Variants in DACH2 observed in about 807,000 individuals in gnomAD.
DACH2 encodes the protein dachshund family transcription factor 2.
A neutral mutation model predicts 35.8 loss-of-function variants in DACH2; 17 were observed. That is an observed-to-expected ratio of 0.48 (90% CI 0.33 to 0.71). The LOEUF (loss-of-function observed/expected upper bound fraction) is 0.71, where lower values mean the gene tolerates loss of function less well. Among genes scored for constraint, DACH2 ranks in the 30% least tolerant of loss-of-function variants. The pLI, the probability that DACH2 is intolerant of heterozygous loss-of-function variation, is 0.02. For missense variants in DACH2, 469 were observed against 472.7 expected (o/e 0.99, Z 0.07); for synonymous variants, 195 against 177.3 (o/e 1.10, Z -0.79).
chrX:86,200,505 G>C (rs942715824), intron 1 of DACH2, among the ~76,000 whole-genome samples: 2 of 109,901 alleles, frequency 1.8e-5, no homozygotes, highest in Non-Finnish European at 1.9e-5. Flanking sequence ...TACAGAATGG[G>C]AGAAAATTTT....
intron 4 of DACH2, among the ~76,000 whole-genome samples, chrX:86,663,315 A>G (rs1293763185): frequency 8.9e-6 from 1 of 112,057 alleles, no homozygotes; most frequent in Non-Finnish European, 1.9e-5. Flanking sequence ...GTAACATAAG[A>G]CACTTTCTCA....
At chrX:86,477,028 A>T (rs2037853558) in intron 2 of DACH2, among the ~76,000 whole-genome samples, 1 of 110,210 alleles carries the variant, frequency 9.1e-6, no homozygotes, top group Non-Finnish European at 1.9e-5. Flanking sequence ...TAGTATTTGA[A>T]TTTTTTGAAT....
chrX:86,778,182 A>G (rs2042054812), intron 7 of DACH2, among the ~76,000 whole-genome samples: 1 of 111,328 alleles, frequency 9.0e-6, no homozygotes, highest in Non-Finnish European at 1.9e-5. Context: ...ATCATATGGT[A>G]GTTTTATTTT....
At chrX:86,778,259 G>T (rs1265337806) in intron 7 of DACH2, among the ~76,000 whole-genome samples, 3 of 111,349 alleles carry the variant, frequency 2.7e-5, no homozygotes, top group Non-Finnish European at 3.8e-5. Flanking sequence ...CCCATCAACA[G>T]AGTATTAGAG....
At chrX:86,667,355 AAG>A (rs1491501697) in intron 4 of DACH2, among the ~76,000 whole-genome samples, 8 of 81,250 alleles carry the variant, frequency 9.8e-5, no homozygotes, top group South Asian at 7.5e-4. Flanking sequence ...GGAAGGAAGG[AAG>A]AGGAAGGGAA....
intron 2 of DACH2, among the ~76,000 whole-genome samples, chrX:86,390,839 C>G (rs1483151051): frequency 1.8e-5 from 2 of 110,490 alleles, no homozygotes; most frequent in Non-Finnish European, 3.8e-5. Context: ...ATCTGCCCAC[C>G]TCGGCTTCCC....
chrX:86,400,563 G>A (rs1037140963), intron 2 of DACH2, among the ~76,000 whole-genome samples: 1 of 111,560 alleles, frequency 9.0e-6, no homozygotes, highest in Non-Finnish European at 1.9e-5. Context: ...TTTTGGTGTG[G>A]ATGTCCTTTC....
chrX:86,338,847 GA>G (rs2035365053), intron 1 of DACH2, among the ~76,000 whole-genome samples: 2 of 111,222 alleles, frequency 1.8e-5, no homozygotes, highest in Admixed American at 1.9e-4. Context: ...GAAAAGAGAA[GA>G]ATCAAATAGA....
chrX:86,672,640 A>G (rs2040777786), intron 4 of DACH2, among the ~76,000 whole-genome samples: 1 of 112,274 alleles, frequency 8.9e-6, no homozygotes, highest in South Asian at 3.7e-4. Context: ...GCAGAGGGCA[A>G]GAGTTGAGGC....
At chrX:86,405,932 G>A (rs765537986) in intron 2 of DACH2, among the ~76,000 whole-genome samples, 47 of 111,248 alleles carry the variant, frequency 4.2e-4, no homozygotes, top group Admixed American at 2.1e-3. Context: ...GGAGAAGTGA[G>A]GAGCAATGGG....
chrX:86,148,521 G>A lies in DACH2; in HGVS notation c.-100G>A. 1.0e-6 allele frequency: 1 copy of A among 968,329 alleles called. No homozygotes were observed. The highest frequency in any genetic ancestry group is 1.4e-6 in the Non-Finnish European group (1 of 723,659). 79.8% of individuals were successfully genotyped at this position (968,329 alleles called of 1,213,427 possible). On this transcript the variant is annotated 5_prime_UTR_variant, in exon 1 of 12. Transcript: ENST00000373125. Reference sequence around the variant, plus strand: ...AACAGTTCGGAGCCAGCGAGAGCGCGCCAGAGAGAGCGAGAGTGAGGGAGT... The same window carrying A: ...AACAGTTCGGAGCCAGCGAGAGCGCACCAGAGAGAGCGAGAGTGAGGGAGT...
At chrX:86,502,335 T>G (rs1183292856) in intron 2 of DACH2, among the ~76,000 whole-genome samples, 2 of 111,469 alleles carry the variant, frequency 1.8e-5, no homozygotes, top group Admixed American at 9.6e-5. Context: ...AGGGTGAAGG[T>G]TATCACAACT....
chrX:86,465,559 A>T (rs745796129), intron 2 of DACH2, among the ~76,000 whole-genome samples: 1 of 111,974 alleles, frequency 8.9e-6, no homozygotes, highest in Admixed American at 9.5e-5. Flanking sequence ...TGGAATATCA[A>T]GTTGATGACT....
intron 1 of DACH2, among the ~76,000 whole-genome samples, chrX:86,311,768 C>A (rs897938127): frequency 4.5e-5 from 5 of 111,370 alleles, no homozygotes; most frequent in African/African-American, 1.6e-4. Flanking sequence ...GCTCTTCCTA[C>A]CTTTAAGTTA....
chrX:86,416,828 G>A (rs915221951), intron 2 of DACH2, among the ~76,000 whole-genome samples: 1 of 110,456 alleles, frequency 9.1e-6, no homozygotes, highest in South Asian at 3.9e-4. Flanking sequence ...GCCTGGTGTG[G>A]TGGCTCACGT....
chrX:86,774,386 G>C (rs775222522), intron 7 of DACH2, among the ~76,000 whole-genome samples: 19 of 111,556 alleles, frequency 1.7e-4, no homozygotes, highest in African/African-American at 6.2e-4. Flanking sequence ...GTTTGTTCTG[G>C]TCATTAAGAT....
chrX:86,396,368 G>T (rs868711951), intron 2 of DACH2, among the ~76,000 whole-genome samples: 2 of 94,238 alleles, frequency 2.1e-5, no homozygotes. Flanking sequence ...AGTTTCTTTT[G>T]CTGTGCAGAA....
chrX:86,364,323 A>T lies in DACH2; in HGVS notation c.489-12501A>T, dbSNP rs72633143. On this transcript the variant is annotated intron_variant, in intron 1 of 11. Transcript: ENST00000373125. ...GATTTTTAAGGGAAGGCATTCACAG[A>T]TACAAAGACATTCTTCAAAATGTGA... 3.5e-4 allele frequency among the ~76,000 whole-genome samples: 38 copies of T among 109,177 alleles called. No individual in the cohort carries two copies. In the East Asian group the frequency reaches 0.011, roughly 30 times the overall value. The allele number at this position is 109,177 out of a possible 115,157, so 94.8% of individuals were successfully genotyped here.
intron 2 of DACH2, among the ~76,000 whole-genome samples, chrX:86,384,836 A>T (rs2036099250): frequency 1.8e-5 from 2 of 111,765 alleles, no homozygotes; most frequent in Admixed American, 9.5e-5. Flanking sequence ...AGTGTTCCAG[A>T]TGTTTTTAAA....
Sources: gnomAD v4.1 joint callset for allele counts (sites outside exome capture counted in the v4.1 genomes callset) on GRCh38, gnomAD v4.1.1 for gene constraint, MANE v1.5 for transcripts, NCBI Gene and HGNC (gene_info 2026-07-23, HGNC 2026-07-21) for gene names.